The following GBF1 variants were observed in gnomAD, a reference collection of about 807,000 sequenced individuals.
GBF1 encodes the protein Golgi-specific brefeldin A-resistance guanine nucleotide exchange factor 1.
In GBF1, 114 loss-of-function variants were observed where a neutral mutation model predicts 210.5. The observed-to-expected ratio is 0.54, with a 90% CI of 0.47 to 0.63. The LOEUF (loss-of-function observed/expected upper bound fraction) is 0.63. Ranked by LOEUF, GBF1 falls within the 30% of genes least tolerant of loss-of-function variation. The probability of loss-of-function intolerance (pLI) is 0.00; values close to 1 mark genes in which losing one functional copy is unlikely to be tolerated. For missense variants in GBF1, 1,851 were observed against 2,357.7 expected (o/e 0.79, Z 4.45); for synonymous variants, 850 against 889.2 (o/e 0.96, Z 0.78).
At chr10:102,286,194 G>GTTTTTTT (rs55904022) in intron 3 of GBF1, among the ~76,000 whole-genome samples, 1 of 126,374 alleles carries the variant, frequency 7.9e-6, no homozygotes, top group African/African-American at 3.3e-5. Flanking sequence ...AAGCATAAGG[G>GTTTTTTT]TTTTTTTTTT....
At chr10:102,272,328 C>G (rs2074522776) in intron 3 of GBF1, among the ~76,000 whole-genome samples, 1 of 152,176 alleles carries the variant, frequency 6.6e-6, no homozygotes, top group Non-Finnish European at 1.5e-5. Context: ...TGGTTTCGAA[C>G]TCCTGACCTC....
intron 3 of GBF1, among the ~76,000 whole-genome samples, chr10:102,267,636 CATT>C (rs1285393404): frequency 6.6e-6 from 1 of 152,128 alleles, no homozygotes; most frequent in East Asian, 1.9e-4. Flanking sequence ...AGTAATATAT[CATT>C]ATTAATCAGC....
At chr10:102,333,221 GT>G in intron 3 of GBF1, among the ~76,000 whole-genome samples, 1 of 152,248 alleles carries the variant, frequency 6.6e-6, no homozygotes, top group Middle Eastern at 3.4e-3. Context: ...ATCTCCTGTT[GT>G]ATAGGGCAGG....
At chr10:102,359,764 A>G (rs901671642) in intron 11 of GBF1, among the ~76,000 whole-genome samples, 16 of 150,646 alleles carry the variant, frequency 1.1e-4, no homozygotes, top group African/African-American at 3.9e-4. Flanking sequence ...AGGAAAAAAA[A>G]AAAAATCCTT....
intron 19 of GBF1, 30 bp from the exon 20 acceptor site, chr10:102,367,055 T>C: frequency 6.2e-7 from 1 of 1,612,842 alleles, no homozygotes; most frequent in Non-Finnish European, 8.5e-7. Context: ...GAGAAGGGCA[T>C]TGACACAGGC....
chr10:102,352,583 C>A (rs377584991), intron 7 of GBF1, 65 bp downstream of exon 7: 62 of 1,115,364 alleles, frequency 5.6e-5, no homozygotes, highest in Non-Finnish European at 4.1e-5. Context: ...TGCTTCCACA[C>A]AGCCACGTCA....
chr10:102,299,325 C>T (rs888200556), intron 3 of GBF1, among the ~76,000 whole-genome samples: 7 of 151,968 alleles, frequency 4.6e-5, no homozygotes, highest in African/African-American at 1.7e-4. Flanking sequence ...GTGGGGAAAG[C>T]GTGTGACTAC....
At chr10:102,342,929 G>A (rs1840708262) in intron 3 of GBF1, among the ~76,000 whole-genome samples, 1 of 152,126 alleles carries the variant, frequency 6.6e-6, no homozygotes, top group Non-Finnish European at 1.5e-5. Context: ...AGGTAGAATA[G>A]ATGAAGGGGT....
chr10:102,323,951 G>T (rs899162147), intron 3 of GBF1, among the ~76,000 whole-genome samples: 2 of 152,032 alleles, frequency 1.3e-5, no homozygotes, highest in African/African-American at 2.4e-5. Flanking sequence ...TACTTTCTAG[G>T]AAGGCTAGCC....
chr10:102,287,127 C>T (rs2076015336), intron 3 of GBF1, among the ~76,000 whole-genome samples: 1 of 151,986 alleles, frequency 6.6e-6, no homozygotes, highest in African/African-American at 2.4e-5. Flanking sequence ...CTTTCTCAAC[C>T]AGTAGATGAA....
At position 102,365,585 on chromosome 10, in the gene GBF1, GGA is replaced by G; in HGVS notation, c.2299_2300del (p.Ser767LeufsTer47). ...VSDRKNIDLL[E>X]SFVSTFSFQG... The stretch of plus-strand genomic sequence containing the variant: ...GTGACCGCAAAAACATTGACCTGTT[GGA>G]GAGCTTTGTGAGGTGAGGAAGCTGT... On this transcript the variant is annotated frameshift_variant, in exon 18 of 40. Coordinates refer to ENST00000369983, the MANE Select transcript of GBF1 (RefSeq NM_001377137.1). LOFTEE classifies it high-confidence loss of function. 1 of 1,613,980 alleles carries G rather than the reference GGA, an allele frequency of 6.2e-7. No homozygotes were observed. Among genetic ancestry groups the G allele is most frequent in the Non-Finnish European group, 8.5e-7 (1 of 1,179,904 alleles).
rs572591453 is a variant in GBF1 at position 102,304,780 on chromosome 10, AAAAG to A, written c.164-39251_164-39248del. Among the ~76,000 whole-genome samples, 589 of 152,100 alleles carry A rather than the reference AAAAG, an allele frequency of 3.9e-3. 2 individuals are homozygous for A. Among genetic ancestry groups the A allele is most frequent in the Non-Finnish European group, 5.8e-3 (391 of 67,992 alleles). On this transcript the variant is annotated intron_variant, in intron 3 of 39. Coordinates refer to ENST00000369983, the MANE Select transcript of GBF1 (RefSeq NM_001377137.1). Reference sequence around the variant, plus strand: ...CAGAGTGAGACTTCATCTCAAAAAAAAAAGAAAGAAAGAAAGAAAGAAATTAGGT... The same window carrying A: ...CAGAGTGAGACTTCATCTCAAAAAAAAAAGAAAGAAAGAAAGAAATTAGGT...
chr10:102,292,305 A>T (rs937626859), intron 3 of GBF1, among the ~76,000 whole-genome samples: 4 of 152,134 alleles, frequency 2.6e-5, no homozygotes, highest in Non-Finnish European at 5.9e-5. Context: ...AGAAAAAAAA[A>T]TTTAATGATA....
chr10:102,243,518 G>T (rs2070589612), upstream of GBF1, among the ~76,000 whole-genome samples: 1 of 152,254 alleles, frequency 6.6e-6, no homozygotes, highest in East Asian at 1.9e-4. Context: ...TTAGAATGAT[G>T]AATTTCTGGA....
chr10:102,274,128 G>A (rs936188476), intron 3 of GBF1, among the ~76,000 whole-genome samples: 1 of 152,214 alleles, frequency 6.6e-6, no homozygotes, highest in South Asian at 2.1e-4. Flanking sequence ...GACTGACACA[G>A]TTCCTGTTCT....
chr10:102,304,151 A>T (rs1046397281), intron 3 of GBF1, among the ~76,000 whole-genome samples: 1 of 152,346 alleles, frequency 6.6e-6, no homozygotes, highest in African/African-American at 2.4e-5. Flanking sequence ...GCTTAAGCCA[A>T]TATATACTTA....
chr10:102,367,599 G>C, intron 21 of GBF1, 39 bp downstream of exon 21: 4 of 1,144,176 alleles, frequency 3.5e-6, no homozygotes, highest in Admixed American at 3.4e-5. Flanking sequence ...TCTCTGTTAA[G>C]AAGAAGCACA....
At chr10:102,361,661 C>A in intron 13 of GBF1, 57 bp from the exon 14 acceptor site, 1 of 1,222,858 alleles carries the variant, frequency 8.2e-7, no homozygotes, top group Non-Finnish European at 1.1e-6. Context: ...CTAATTTTTT[C>A]TCTTCCTATC....
intron 1 of GBF1, among the ~76,000 whole-genome samples, chr10:102,255,549 A>C (rs947181347): frequency 5.9e-5 from 9 of 152,104 alleles, no homozygotes; most frequent in African/African-American, 2.2e-4. Context: ...TCACTCCTCC[A>C]CCACTCAGTT....
Sources: gnomAD v4.1 joint callset for allele counts (sites outside exome capture counted in the v4.1 genomes callset) on GRCh38, gnomAD v4.1.1 for gene constraint, MANE v1.5 for transcripts, NCBI Gene and HGNC (gene_info 2026-07-23, HGNC 2026-07-21) for gene names.